MBLAC2: variants seen among roughly 807,000 people sequenced by gnomAD.
MBLAC2 encodes acyl-coenzyme A thioesterase MBLAC2.
In MBLAC2, 24 loss-of-function variants were observed where a neutral mutation model predicts 23.3. The ratio of observed to expected loss-of-function variants is 1.03; its 90% confidence interval spans 0.75 to 1.45. MBLAC2 has a LOEUF of 1.45. Among genes scored for constraint, MBLAC2 ranks in the 40% most tolerant of loss-of-function variants. The pLI, the probability that MBLAC2 is intolerant of heterozygous loss-of-function variation, is 0.00. For synonymous variants in MBLAC2, 162 were observed against 150.9 expected (o/e 1.07, Z -0.54); for missense variants, 358 against 370.0 (o/e 0.97, Z 0.27).
At chr5:90,461,584 A>ATGT in intron 1 of MBLAC2, 32 bp from the exon 2 acceptor site, 1 of 1,574,612 alleles carries the variant, frequency 6.4e-7, no homozygotes, top group South Asian at 1.2e-5. Context: ...ACAGATAAAC[A>ATGT]TGTTGTATAC....
chr5:90,467,558 G>A (rs1049939634), intron 1 of MBLAC2, among the ~76,000 whole-genome samples: 4 of 152,234 alleles, frequency 2.6e-5, no homozygotes, highest in African/African-American at 9.6e-5. Flanking sequence ...TTAAGTTCAT[G>A]TGAGTCTTTA....
Position 90,461,464 on chromosome 5 carries a change from G to C in MBLAC2, c.543C>G (p.Asp181Glu). ...SRGSICLHDK[D>E]RKILFSGDVV... ...CGTCTCCACTGAAGAGAATCTTTCG[G>C]TCTTTGTCATGTAAGCAAATACTGC... Residue 181 changes from aspartate to glutamate, a missense_variant, in exon 2 of 2, where the codon GAC (aspartate) becomes GAG (glutamate). By Grantham distance (45) the Asp-to-Glu change is conservative. Transcript: ENST00000316610. 6.2e-7 allele frequency: 1 copy of C among 1,614,124 alleles called. No individual in the cohort carries two copies. Among genetic ancestry groups the C allele is most frequent in the Admixed American group, 1.7e-5 (1 of 60,010 alleles).
At chr5:90,464,951 TAAC>T (rs1750425095) in intron 1 of MBLAC2, among the ~76,000 whole-genome samples, 1 of 152,150 alleles carries the variant, frequency 6.6e-6, no homozygotes, top group African/African-American at 2.4e-5. Context: ...TCTCCTAAGA[TAAC>T]AAGGCAAGGA....
chr5:90,469,549 C>T (rs1446601723), intron 1 of MBLAC2, among the ~76,000 whole-genome samples: 2 of 151,670 alleles, frequency 1.3e-5, no homozygotes, highest in Non-Finnish European at 2.9e-5. Flanking sequence ...AATGCAATAG[C>T]TTGTCTTATC....
Position 90,474,388 on chromosome 5 carries a change from T to C in MBLAC2, c.-96A>G, listed in dbSNP as rs537775001. ...GGCACTGCGGCTGTGTGAAGCGGTC[T>C]GCCTGCAGCCAGGGAGGAGGCGTAG... On this transcript the variant is annotated 5_prime_UTR_variant, in exon 1 of 2. Transcript: ENST00000316610. 2.4e-5 allele frequency: 28 copies of C among 1,165,760 alleles called. No homozygotes were observed. The highest frequency in any genetic ancestry group is 4.3e-4 in the Middle Eastern group (2 of 4,614). 72.2% of individuals were successfully genotyped at this position (1,165,760 alleles called of 1,614,324 possible). A position where few individuals can be genotyped will look rare whatever the true frequency, so the allele number is the denominator to read the frequency against.
chr5:90,472,403 A>G (rs1750567216), intron 1 of MBLAC2: 1 of 152,086 alleles, frequency 6.6e-6, no homozygotes, highest in African/African-American at 2.4e-5. Flanking sequence ...TCATATTGTC[A>G]GATAATGTAA....
At position 90,474,439 on chromosome 5, in the gene MBLAC2, G is replaced by A. The variant is rs553490382; in HGVS notation, c.-147C>T. ...AGCGAGGCGGGGGCGTGGGATGCGG[G>A]GGTCGGAATAGGAGGAGGAAGGACG... On this transcript the variant is annotated 5_prime_UTR_variant, in exon 1 of 2. Transcript: ENST00000316610. The A allele has an allele frequency of 3.5e-4, 250 of 720,310 alleles. 1 individual carries two copies. In the African/African-American group the frequency reaches 4.1e-3, roughly 12 times the overall value. 44.6% of individuals were successfully genotyped at this position (720,310 alleles called of 1,614,324 possible). A position where few individuals can be genotyped will look rare whatever the true frequency, so the allele number is the denominator to read the frequency against.
chr5:90,474,355 A>T lies in MBLAC2; in HGVS notation c.-63T>A. ...CGTGCGAGTCTCCCACAGGCTGTCC[A>T]CACACAGGGCACTGCGGCTGTGTGA... On this transcript the variant is annotated 5_prime_UTR_variant, in exon 1 of 2. Transcript: ENST00000316610. 6.9e-7 allele frequency: 1 copy of T among 1,459,400 alleles called. No homozygotes were observed. Among genetic ancestry groups the T allele is most frequent in the Non-Finnish European group, 9.5e-7 (1 of 1,050,560 alleles). The allele number at this position is 1,459,400 out of a possible 1,614,324, so 90.4% of individuals were successfully genotyped here. A position where few individuals can be genotyped will look rare whatever the true frequency, so the allele number is the denominator to read the frequency against.
In MBLAC2 at chr5:90,473,959, C is replaced by G. The variant is rs762038395; in HGVS notation, c.334G>C (p.Asp112His). ...AGCCAGGTCACGGTCTCAAAGTTGT[C>G]CCCGCGAGCCAGCGCCTCGGCCTCG... is the stretch of plus-strand genomic sequence containing the variant. ...HAEAEALARGDNFETVTWLSD... is the reference protein window; with the variant it reads ...HAEAEALARGHNFETVTWLSD... The change falls in exon 1 of 2, where the codon GAC (aspartate) becomes CAC (histidine). Residue 112 changes from aspartate to histidine, a missense_variant. By Grantham distance (81) the Asp-to-His change is moderately conservative (BLOSUM62 -1). Coordinates refer to ENST00000316610, the MANE Select transcript of MBLAC2 (RefSeq NM_203406.2). 4 of 1,600,584 alleles carry G rather than the reference C, an allele frequency of 2.5e-6. No individual in the cohort carries two copies. The highest frequency in any genetic ancestry group is 3.4e-6 in the Non-Finnish European group (4 of 1,174,598).
At position 90,474,288 on chromosome 5, in the gene MBLAC2, G is replaced by A; in HGVS notation, c.5C>T (p.Ser2Leu). M[S>L]ALEWYAHKSL... ...CTTGTGGGCGTACCACTCGAGCGCCGACATGCTGGGCAGGGGTGCAGCCAG... is the reference window on the plus strand; with the variant it reads ...CTTGTGGGCGTACCACTCGAGCGCCAACATGCTGGGCAGGGGTGCAGCCAG... The change falls in exon 1 of 2, where the codon TCG becomes TTG. Residue 2 changes from serine to leucine, a missense_variant. Ser to Leu is a moderately radical substitution (Grantham distance 145). Coordinates refer to ENST00000316610, the MANE Select transcript of MBLAC2 (RefSeq NM_203406.2). 4 of 1,612,788 alleles carry A rather than the reference G, an allele frequency of 2.5e-6. No homozygotes were observed. Among genetic ancestry groups the A allele is most frequent in the African/African-American group, 1.3e-5 (1 of 75,036 alleles).
intron 1 of MBLAC2, chr5:90,473,024 C>T (rs1002180542): frequency 3.3e-5 from 5 of 152,194 alleles, no homozygotes; most frequent in Non-Finnish European, 7.3e-5. Context: ...GGAGAATGGG[C>T]TGAGGCCCTA....
intron 1 of MBLAC2, among the ~76,000 whole-genome samples, chr5:90,462,112 ATG>A (rs1750377976): frequency 6.6e-6 from 1 of 152,184 alleles, no homozygotes; most frequent in Admixed American, 6.5e-5. Context: ...ATAAATCATG[ATG>A]CTCTAATATG....
At chr5:90,470,755 C>T (rs1334823095) in intron 1 of MBLAC2, among the ~76,000 whole-genome samples, 1 of 55,580 alleles carries the variant, frequency 1.8e-5, no homozygotes, top group African/African-American at 6.9e-5. Flanking sequence ...CTAGCGCGCG[C>T]GCACACACAC....
intron 1 of MBLAC2, among the ~76,000 whole-genome samples, chr5:90,469,207 C>G (rs1750504912): frequency 6.6e-6 from 1 of 152,174 alleles, no homozygotes; most frequent in Admixed American, 6.5e-5. Flanking sequence ...CTCAGGTGAT[C>G]CGCCCTCCTC....
chr5:90,470,745 C>G (rs1256509835), intron 1 of MBLAC2, among the ~76,000 whole-genome samples: 2 of 132,138 alleles, frequency 1.5e-5, no homozygotes, highest in African/African-American at 6.1e-5. Context: ...TTCTAGAAAA[C>G]TAGCGCGCGC....
At chr5:90,470,782 AC>A (rs1313680941) in intron 1 of MBLAC2, among the ~76,000 whole-genome samples, 14 of 150,042 alleles carry the variant, frequency 9.3e-5, no homozygotes, top group African/African-American at 2.2e-4. Flanking sequence ...ACACACACAC[AC>A]ACGCTTTCTT....
At chr5:90,473,626 G>T in intron 1 of MBLAC2, 1 of 685,550 alleles carries the variant, frequency 1.5e-6, no homozygotes, top group Non-Finnish European at 2.6e-6. Context: ...ATCTCTACAC[G>T]ATGCCAGAGC....
Position 90,461,269 on chromosome 5 carries a change from G to A in MBLAC2, c.738C>T (p.Asn246=), listed in dbSNP as rs749602259. The A allele has an allele frequency of 6.2e-7, 1 of 1,614,164 alleles. No homozygotes were observed. The highest frequency in any genetic ancestry group is 1.1e-5 in the South Asian group (1 of 91,078). Residue 246 remains asparagine (N), a synonymous_variant, in exon 2 of 2, where the codon AAC becomes AAT. Transcript: ENST00000316610. ...GAERLFRLAS[N]YISKAGICHK... is the part of the protein sequence containing the mutation. ...GACATATCCCAGCTTTTGAAATATAGTTAGAAGCCAATCGAAAAAGCCTTT... is the reference window on the plus strand; with the variant it reads ...GACATATCCCAGCTTTTGAAATATAATTAGAAGCCAATCGAAAAAGCCTTT...
In MBLAC2 at chr5:90,460,889, T is replaced by A. The variant is rs1334350906; in HGVS notation, c.*278A>T. ...AGGGCAGTTCTCTTGCCACAAAATC[T>A]CTCTTTGCTTCCCCATAAACCTTTA... On this transcript the variant is annotated 3_prime_UTR_variant, in exon 2 of 2. Transcript: ENST00000316610. 7.6e-6 allele frequency: 2 copies of A among 263,604 alleles called. No homozygotes were observed. The highest frequency in any genetic ancestry group is 4.4e-5 in the African/African-American group (2 of 44,976). The allele number at this position is 263,604 out of a possible 1,614,324, so 16.3% of individuals were successfully genotyped here.
Sources: allele counts gnomAD v4.1 joint callset (sites outside exome capture counted in the v4.1 genomes callset), GRCh38; gene constraint gnomAD v4.1.1; transcripts MANE v1.5; gene names NCBI Gene and HGNC (gene_info 2026-07-23, HGNC 2026-07-21).